TTF2: variants seen among roughly 807,000 people sequenced by gnomAD.
The protein encoded by TTF2 is RNA polymerase II termination factor.
A neutral mutation model predicts 142.4 loss-of-function variants in TTF2; 108 were observed. The observed-to-expected ratio is 0.76, with a 90% CI of 0.65 to 0.89. The LOEUF is 0.89. Ranked by LOEUF, TTF2 falls within the 40% of genes least tolerant of loss-of-function variation. TTF2 has a pLI of 0.00. For missense variants in TTF2, 1,327 were observed against 1,379.8 expected, an observed-to-expected ratio of 0.96 and a Z score of 0.61; for synonymous variants, 483 against 506.2, an observed-to-expected ratio of 0.95 and a Z score of 0.61.
chr1:117,076,711 C>T lies in TTF2; in HGVS notation c.1461C>T (p.Pro487=), dbSNP rs765471332. ...TCACCAAAACTACCACTGGCCCTCC[C>T]CACCTGGTGCCTCCCCAACCCCTTC... ...SHFTKTTTGP[P]HLVPPQPLPR... The change falls in exon 7 of 23, where the codon CCC becomes CCT. Residue 487 remains proline (P), a synonymous_variant. Transcript: ENST00000369466. This position sits in a 1 kb window ranked among gnomAD's most constrained non-coding sequence, Gnocchi z 4.6. 1.5e-5 allele frequency: 24 copies of T among 1,614,042 alleles called. No homozygotes were observed. In the Admixed American group the frequency reaches 2.3e-4, roughly 16 times the overall value.
chr1:117,089,984 C>T lies in TTF2; in HGVS notation c.2343-71C>T. ...ATCTGATTTGTCATCTTATATCTTA[C>T]TTTGAACCTTTATTCCATTCTCCCT... On this transcript the variant is annotated intron_variant, in intron 13 of 22. Transcript: ENST00000369466. 5.3e-6 allele frequency: 8 copies of T among 1,506,610 alleles called. No individual in the cohort carries two copies. In the South Asian group the frequency reaches 9.1e-5, roughly 17 times the overall value. 93.3% of individuals were successfully genotyped at this position (1,506,610 alleles called of 1,614,324 possible).
At chr1:117,091,544 T>C (rs915469789) in intron 16 of TTF2, 134 bp downstream of exon 16, 5 of 943,442 alleles carry the variant, frequency 5.3e-6, no homozygotes, top group Non-Finnish European at 7.8e-6. Context: ...CAAACCAGAG[T>C]AAAATCTACT....
At position 117,100,924 on chromosome 1, in the gene TTF2, A is replaced by G. The variant is rs1038116259; in HGVS notation, c.3345-456A>G. Among the ~76,000 whole-genome samples, 1 of 152,212 alleles carries G rather than the reference A, an allele frequency of 6.6e-6. No homozygotes were observed. The highest frequency in any genetic ancestry group is 1.5e-5 in the Non-Finnish European group (1 of 68,044). ...GCATAGTGTAGTGAGTGCTTAATCAATACTTTTGAATGAGTGAATGAATGA... is the reference window on the plus strand; with the variant it reads ...GCATAGTGTAGTGAGTGCTTAATCAGTACTTTTGAATGAGTGAATGAATGA... On this transcript the variant is annotated intron_variant, in intron 22 of 22. Coordinates refer to ENST00000369466, the MANE Select transcript of TTF2 (RefSeq NM_003594.4). The surrounding 1 kb of genome is among the most constrained non-coding windows in gnomAD (Gnocchi z 4.6).
intron 4 of TTF2, among the ~76,000 whole-genome samples, chr1:117,074,612 C>T (rs564436201): frequency 8.6e-5 from 13 of 151,788 alleles, no homozygotes; most frequent in African/African-American, 2.4e-4. Flanking sequence ...TATGTTCTCA[C>T]GAGCAGGAGC....
rs2101118050 is a variant in TTF2 at position 117,089,001 on chromosome 1, T to C, written c.2342+19T>C. The C allele has an allele frequency of 6.3e-7, 1 of 1,589,832 alleles. No homozygotes were observed. The highest frequency in any genetic ancestry group is 8.6e-7 in the Non-Finnish European group (1 of 1,168,562). On this transcript the variant is annotated intron_variant, in intron 13 of 22. Transcript: ENST00000369466. ...TGCTGAAGTGAGTAACTTCTCGTGA[T>C]TGTGTAAATATGAACCCTGTCTGTA... is the stretch of plus-strand genomic sequence containing the variant.
At chr1:117,095,624 A>T (rs1649057199) in intron 19 of TTF2, among the ~76,000 whole-genome samples, 1 of 151,628 alleles carries the variant, frequency 6.6e-6, no homozygotes, top group East Asian at 1.9e-4. Context: ...CAAGCGAGTG[A>T]GGAGGCTCCA....
chr1:117,078,034 C>T lies in TTF2; in HGVS notation c.1692C>T (p.Ala564=), dbSNP rs549239336. 4.4e-5 allele frequency: 71 copies of T among 1,613,860 alleles called. 1 individual carries two copies. In the South Asian group the frequency reaches 6.3e-4, roughly 14 times the overall value. Residue 564 remains alanine (A), a synonymous_variant, in exon 8 of 23, where the codon GCC becomes GCT. Transcript: ENST00000369466. ...AGACGGTTGTGGCAGAAGATCCCGC[C>T]GGGCTGAAGGTGAGCCAGGGAAGAC... ...PGETVVAEDP[A]GLKVPLLLHQ...
intron 2 of TTF2, among the ~76,000 whole-genome samples, chr1:117,061,453 C>T (rs1202830335): frequency 6.6e-6 from 1 of 152,224 alleles, no homozygotes; most frequent in Non-Finnish European, 1.5e-5. Flanking sequence ...GCTCTCTATT[C>T]AGCAAAACTT....
rs1648838639 is a variant in TTF2 at position 117,093,877 on chromosome 1, A to G, written c.2976+976A>G. Among the ~76,000 whole-genome samples the G allele has an allele frequency of 6.6e-6, 1 of 152,216 alleles. No individual in the cohort carries two copies. The highest frequency in any genetic ancestry group is 2.1e-4 in the South Asian group (1 of 4,830). On this transcript the variant is annotated intron_variant, in intron 18 of 22. Transcript: ENST00000369466. The surrounding 1 kb of genome is among the most constrained non-coding windows in gnomAD (Gnocchi z 4.5). ...GTTCAAACCACATACGGTTGTTTCA[A>G]GTAGGGAAGGAGGCTTCTTACTGGA...
rs969803834 is a variant in TTF2 at position 117,080,330 on chromosome 1, A to G, written c.1783+681A>G. Among the ~76,000 whole-genome samples, 1 of 152,124 alleles carries G rather than the reference A, an allele frequency of 6.6e-6. No individual in the cohort carries two copies. Among genetic ancestry groups the G allele is most frequent in the Admixed American group, 6.5e-5 (1 of 15,270 alleles). On this transcript the variant is annotated intron_variant, in intron 9 of 22. Transcript: ENST00000369466. This position sits in a 1 kb window ranked among gnomAD's most constrained non-coding sequence, Gnocchi z 4.3. ...CCTGGCCTAAAAGTAGTCTATAAAA[A>G]GCATCACAGCTACTTTGCTTCACCA... is the stretch of plus-strand genomic sequence containing the variant.
At position 117,076,350 on chromosome 1, in the gene TTF2, T is replaced by C; in HGVS notation, c.1390+56T>C. On this transcript the variant is annotated intron_variant, in intron 6 of 22. Coordinates refer to ENST00000369466, the MANE Select transcript of TTF2 (RefSeq NM_003594.4). The surrounding 1 kb of genome is among the most constrained non-coding windows in gnomAD (Gnocchi z 4.6). ...TTTGCATCGACTTTACAAGAGACATTCGGGAAGCCCTTTTAATAAAGAATG... is the reference window on the plus strand; with the variant it reads ...TTTGCATCGACTTTACAAGAGACATCCGGGAAGCCCTTTTAATAAAGAATG... 3 of 1,380,110 alleles carry C rather than the reference T, an allele frequency of 2.2e-6. No homozygotes were observed. The highest frequency in any genetic ancestry group is 3.0e-6 in the Non-Finnish European group (3 of 989,548). The allele number at this position is 1,380,110 out of a possible 1,614,324, so 85.5% of individuals were successfully genotyped here.
Position 117,091,979 on chromosome 1 carries a change from A to G in TTF2, c.2805+29A>G, listed in dbSNP as rs1424590090. 7 of 1,595,080 alleles carry G rather than the reference A, an allele frequency of 4.4e-6. No homozygotes were observed. In the African/African-American group the frequency reaches 6.7e-5, roughly 15 times the overall value. On this transcript the variant is annotated intron_variant, in intron 17 of 22. Transcript: ENST00000369466. ...AGAAAAGCCCTCAGCCTGCTGTCAT[A>G]TAGTGCTCCAGAGGGGCCACCTGAG...
Position 117,076,424 on chromosome 1 carries a change from T to TACA in TTF2, c.1390+130_1390+131insACA. On this transcript the variant is annotated intron_variant, in intron 6 of 22. Transcript: ENST00000369466. The surrounding 1 kb of genome is among the most constrained non-coding windows in gnomAD (Gnocchi z 4.6). ...TTTATTATCTGCTTCTGAGACTTCTTTCACATTACACCTATGGTTCATAAA... is the reference window on the plus strand; with the variant it reads ...TTTATTATCTGCTTCTGAGACTTCTTACATCACATTACACCTATGGTTCATAAA... 1 of 910,276 alleles carries TACA rather than the reference T, an allele frequency of 1.1e-6. No homozygotes were observed. Among genetic ancestry groups the TACA allele is most frequent in the Non-Finnish European group, 1.7e-6 (1 of 603,654 alleles). 56.4% of individuals were successfully genotyped at this position (910,276 alleles called of 1,614,324 possible).
In TTF2 at chr1:117,075,120, C is replaced by T. The variant is rs777850286; in HGVS notation, c.536C>T (p.Ser179Leu). The part of the protein sequence containing the change: ...QKPEMMEKDL[S>L]SGLVPKKKQS... ...CCTGAAATGATGGAGAAAGACCTCT[C>T]ATCTGGCCTGGTACCAAAGAAAAAA... The change falls in exon 5 of 23, where the codon TCA (serine) becomes TTA (leucine). Residue 179 changes from serine (S) to leucine (L), a missense_variant. Ser to Leu is a moderately radical substitution (Grantham distance 145). Transcript: ENST00000369466. This position sits in a 1 kb window ranked among gnomAD's most constrained non-coding sequence, Gnocchi z 4.5. 6.2e-7 allele frequency: 1 copy of T among 1,614,114 alleles called. No individual in the cohort carries two copies. The highest frequency in any genetic ancestry group is 2.2e-5 in the East Asian group (1 of 44,872).
At chr1:117,094,152 T>C (rs187884857) in intron 18 of TTF2, among the ~76,000 whole-genome samples, 17 of 152,324 alleles carry the variant, frequency 1.1e-4, no homozygotes, top group Admixed American at 1.1e-3. Flanking sequence ...TTTGTTAAGA[T>C]TGGAAAGCAG....
At chr1:117,088,580 A>G (rs1038431245) in intron 12 of TTF2, among the ~76,000 whole-genome samples, 2 of 151,984 alleles carry the variant, frequency 1.3e-5, no homozygotes, top group Non-Finnish European at 2.9e-5. Flanking sequence ...TTTTACTCTT[A>G]GACATCTTAT....
rs1452587492 is a variant in TTF2 at position 117,087,680 on chromosome 1, G to A, written c.2161-1121G>A. Among the ~76,000 whole-genome samples, 3 of 152,152 alleles carry A rather than the reference G, an allele frequency of 2.0e-5. No homozygotes were observed. The highest frequency in any genetic ancestry group is 7.2e-5 in the African/African-American group (3 of 41,412). On this transcript the variant is annotated intron_variant, in intron 12 of 22. Coordinates refer to ENST00000369466, the MANE Select transcript of TTF2 (RefSeq NM_003594.4). This position sits in a 1 kb window ranked among gnomAD's most constrained non-coding sequence, Gnocchi z 4.8. The stretch of plus-strand genomic sequence containing the variant: ...CCCTCCCTGGGGCACCTCTTGCTCA[G>A]TCATACCAAGGGATCTGTAGTTCCC...
chr1:117,076,235 T>C lies in TTF2; in HGVS notation c.1331T>C (p.Ile444Thr). 6.2e-7 allele frequency: 1 copy of C among 1,613,928 alleles called. No homozygotes were observed. The highest frequency in any genetic ancestry group is 8.5e-7 in the Non-Finnish European group (1 of 1,179,860). The stretch of plus-strand genomic sequence containing the variant: ...CTTCCAGACAAGGGTCAGAAGTTGA[T>C]CAAACAAATCCAGGAGCTGGAGGAA... Reference protein sequence around the residue: ...QALPDKGQKLIKQIQELEEVL... With the variant: ...QALPDKGQKLTKQIQELEEVL... The change falls in exon 6 of 23, where the codon ATC becomes ACC. Residue 444 changes from isoleucine (I) to threonine (T), a missense_variant. Ile to Thr is a moderately conservative substitution (Grantham distance 89). Transcript: ENST00000369466. This position sits in a 1 kb window ranked among gnomAD's most constrained non-coding sequence, Gnocchi z 4.6.
At chr1:117,071,477 A>G (rs1656571530) in intron 3 of TTF2, among the ~76,000 whole-genome samples, 1 of 152,230 alleles carries the variant, frequency 6.6e-6, no homozygotes, top group African/African-American at 2.4e-5. Flanking sequence ...ATTGACTTGA[A>G]TATGCATTTA....
Sources: gnomAD v4.1 joint callset for allele counts (sites outside exome capture counted in the v4.1 genomes callset) on GRCh38, gnomAD v4.1.1 for gene constraint, Gnocchi (gnomAD v3.1) non-coding constraint, MANE v1.5 for transcripts, NCBI Gene and HGNC (gene_info 2026-07-23, HGNC 2026-07-21) for gene names.